The following CPEB1 variants were observed in gnomAD, a reference collection of about 807,000 sequenced individuals.
The protein encoded by CPEB1 is cytoplasmic polyadenylation element binding protein 1.
CPEB1 carries 7 observed loss-of-function variants against 65.8 expected under a neutral mutation model. That is an observed-to-expected ratio of 0.11 (90% CI 0.06 to 0.20). The LOEUF (loss-of-function observed/expected upper bound fraction) is 0.20. Among genes scored for constraint, CPEB1 ranks in the 10% least tolerant of loss-of-function variants. CPEB1 has a pLI of 1.00. For missense variants in CPEB1, 551 were observed against 712.2 expected, an observed-to-expected ratio of 0.77 and a Z score of 2.58; for synonymous variants, 262 against 260.0, an observed-to-expected ratio of 1.01 and a Z score of -0.08.
intron 4 of CPEB1, among the ~76,000 whole-genome samples, chr15:82,566,110 C>T (rs779145779): frequency 1.3e-4 from 20 of 152,268 alleles, no homozygotes; most frequent in Non-Finnish European, 2.2e-4. Context: ...TTCAAATTTT[C>T]GGAAGCCTTC....
intron 1 of CPEB1, among the ~76,000 whole-genome samples, chr15:82,644,238 T>A (rs2047320738): frequency 6.6e-6 from 1 of 152,138 alleles, no homozygotes; most frequent in Non-Finnish European, 1.5e-5. Context: ...GCAGTTAAGG[T>A]TCACTTTGCC....
At chr15:82,569,015 A>G (rs1481634166) in intron 4 of CPEB1, among the ~76,000 whole-genome samples, 1 of 152,246 alleles carries the variant, frequency 6.6e-6, no homozygotes, top group African/African-American at 2.4e-5. Flanking sequence ...CACAGAGACA[A>G]CAGTGTAACA....
intron 3 of CPEB1, among the ~76,000 whole-genome samples, chr15:82,590,385 A>T (rs28593415): frequency 0.074 from 11,251 of 152,208 alleles, 551 homozygotes; most frequent in Non-Finnish European, 0.11. Context: ...AGAATTCTGC[A>T]ATTGTTACAA....
intron 3 of CPEB1, among the ~76,000 whole-genome samples, chr15:82,600,811 C>T (rs1413137448): frequency 4.6e-5 from 7 of 151,210 alleles, no homozygotes; most frequent in South Asian, 2.1e-4. Context: ...CATAACAAAA[C>T]GACATGGGTT....
chr15:82,551,401 C>T (rs2036225581), intron 9 of CPEB1, among the ~76,000 whole-genome samples: 1 of 152,112 alleles, frequency 6.6e-6, no homozygotes, highest in Admixed American at 6.5e-5. Flanking sequence ...TTTTTTTATA[C>T]TGACCCATCA....
intron 1 of CPEB1, among the ~76,000 whole-genome samples, chr15:82,634,445 T>C (rs1473825737): frequency 6.6e-6 from 1 of 152,230 alleles, no homozygotes; most frequent in Non-Finnish European, 1.5e-5. Flanking sequence ...CGTAAATGAA[T>C]GCCAACTATC....
upstream of CPEB1, chr15:82,648,073 C>T (rs1451757955): frequency 5.2e-6 from 2 of 383,636 alleles, no homozygotes; most frequent in East Asian, 3.9e-5. Context: ...CGGGCCCTCG[C>T]CTCCGCCCCC....
At chr15:82,607,507 G>A (rs73439154) in intron 3 of CPEB1, among the ~76,000 whole-genome samples, 1 of 152,076 alleles carries the variant, frequency 6.6e-6, no homozygotes, top group Non-Finnish European at 1.5e-5. Context: ...AGAATTGCTT[G>A]AACTGGGAAG....
At chr15:82,598,907 T>C (rs1033566490) in intron 3 of CPEB1, among the ~76,000 whole-genome samples, 2 of 152,158 alleles carry the variant, frequency 1.3e-5, no homozygotes, top group African/African-American at 2.4e-5. Flanking sequence ...ATAAAACCTA[T>C]ACCTTTCCCA....
intron 1 of CPEB1, among the ~76,000 whole-genome samples, chr15:82,632,127 G>A (rs561582912): frequency 8.6e-5 from 13 of 151,288 alleles, no homozygotes; most frequent in African/African-American, 2.2e-4. Flanking sequence ...GACTACATAC[G>A]CCCGCCACCA....
intron 3 of CPEB1, among the ~76,000 whole-genome samples, chr15:82,584,258 C>CAAAAAAA (rs71156038): frequency 5.6e-5 from 3 of 53,300 alleles, no homozygotes; most frequent in Non-Finnish European, 9.8e-5. Context: ...GACTCCGTCT[C>CAAAAAAA]AAAAAAAAAA....
intron 3 of CPEB1, among the ~76,000 whole-genome samples, chr15:82,614,186 C>T (rs1178377248): frequency 6.6e-6 from 1 of 152,176 alleles, no homozygotes; most frequent in South Asian, 2.1e-4. Flanking sequence ...TGCTCCCAGG[C>T]TGGAGTGCAG....
chr15:82,622,081 C>T (rs1475773556), intron 3 of CPEB1, among the ~76,000 whole-genome samples: 5 of 152,218 alleles, frequency 3.3e-5, no homozygotes, highest in Admixed American at 3.3e-4. Context: ...GCTTAAATCA[C>T]ATGTCCATTT....
intron 3 of CPEB1, among the ~76,000 whole-genome samples, chr15:82,608,332 C>T (rs568749252): frequency 2.0e-4 from 30 of 152,000 alleles, no homozygotes; most frequent in Non-Finnish European, 2.9e-4. Flanking sequence ...TTGGTGAGCT[C>T]GGAGGTAGGT....
chr15:82,612,947 G>C (rs1166531462), intron 3 of CPEB1, among the ~76,000 whole-genome samples: 2 of 152,000 alleles, frequency 1.3e-5, no homozygotes, highest in Non-Finnish European at 2.9e-5. Flanking sequence ...CACACTCCAG[G>C]CCCAAGTGGC....
intron 4 of CPEB1, among the ~76,000 whole-genome samples, chr15:82,567,103 T>C (rs966159817): frequency 1.3e-5 from 2 of 152,162 alleles, no homozygotes; most frequent in East Asian, 3.9e-4. Flanking sequence ...ATTGGAGAAC[T>C]GGGAGTTGAG....
chr15:82,577,915 T>C (rs1386980533), intron 3 of CPEB1, among the ~76,000 whole-genome samples: 1 of 151,856 alleles, frequency 6.6e-6, no homozygotes, highest in Admixed American at 6.5e-5. Context: ...CCGAGGCAGG[T>C]GGATCACGAG....
intron 3 of CPEB1, among the ~76,000 whole-genome samples, chr15:82,586,042 T>G (rs1366173185): frequency 6.6e-6 from 1 of 152,106 alleles, no homozygotes; most frequent in Non-Finnish European, 1.5e-5. Context: ...GATAATGGTG[T>G]AAGTGATAAA....
At chr15:82,603,362 T>TA (rs141975043) in intron 3 of CPEB1, among the ~76,000 whole-genome samples, 40,229 of 147,068 alleles carry the variant, frequency 0.27, 5,626 homozygotes, top group South Asian at 0.42. Context: ...AAAGTTTATT[T>TA]AAAAAAAAAA....
Sources: gnomAD v4.1 joint callset for allele counts (sites outside exome capture counted in the v4.1 genomes callset) on GRCh38, gnomAD v4.1.1 for gene constraint, MANE v1.5 for transcripts, NCBI Gene and HGNC (gene_info 2026-07-23, HGNC 2026-07-21) for gene names.